The following SMG1 variants were observed in gnomAD, a reference collection of about 807,000 sequenced individuals.
SMG1 encodes SMG1 nonsense mediated mRNA decay associated PI3K related kinase.
In SMG1, 22 loss-of-function variants were observed where a neutral mutation model predicts 419.9. That is an observed-to-expected ratio of 0.05 (90% CI 0.04 to 0.07). SMG1 has a LOEUF of 0.07. SMG1 is among the 10% of genes least tolerant of loss of function. The pLI is 1.00. For synonymous variants in SMG1, 1,538 were observed against 1,553.5 expected, an observed-to-expected ratio of 0.99 and a Z score of 0.23; for missense variants, 3,185 against 4,342.0, an observed-to-expected ratio of 0.73 and a Z score of 7.49.
rs71141072 is a variant in SMG1 at position 18,844,008 on chromosome 16, T to TACACACAC, written c.6219+1413_6219+1420dup. 6.6e-3 allele frequency among the ~76,000 whole-genome samples: 994 copies of TACACACAC among 150,828 alleles called. 13 individuals carry two copies. Among genetic ancestry groups the TACACACAC allele is most frequent in the African/African-American group, 0.023 (956 of 41,114 alleles). ...TCATTTTAAAAATTTTCTATGATTA[T>TACACACAC]ACACACACACACACACACGTGCGCA... On this transcript the variant is annotated intron_variant, in intron 39 of 62. Transcript: ENST00000446231.
At position 18,815,486 on chromosome 16, in the gene SMG1, G is replaced by C. The variant is rs1272988700; in HGVS notation, c.10468C>G (p.Gln3490Glu). The part of the protein sequence containing the change: ...VRSQEHVEML[Q>E]EITPTLKELK... ...TCTTTCAAGGTGGGAGTGATTTCCT[G>C]GAGCATTTCAACGTGTTCTTGACTT... The change falls in exon 59 of 63, where the codon CAG (glutamine) becomes GAG (glutamate). Residue 3490 changes from glutamine to glutamate, a missense_variant. Around this residue, in one of 27 missense-constraint regions of SMG1, gnomAD observed 737 missense variants for 846.6 expected, o/e 0.87. Transcript: ENST00000446231. 1 of 1,613,826 alleles carries C rather than the reference G, an allele frequency of 6.2e-7. No individual in the cohort carries two copies. The highest frequency in any genetic ancestry group is 2.2e-5 in the East Asian group (1 of 44,878).
intron 1 of SMG1, chr16:18,925,092 T>C (rs2038339920): frequency 6.6e-6 from 1 of 152,184 alleles, no homozygotes; most frequent in Non-Finnish European, 1.5e-5. Context: ...ATACAAGCAT[T>C]TATTAAGAGA....
rs1294749445 is a variant in SMG1, at chr16:18,925,378, G to A, written c.92+572C>T. 4 of 152,248 alleles carry A rather than the reference G, an allele frequency of 2.6e-5. 1 individual carries two copies. The highest frequency in any genetic ancestry group is 5.9e-5 in the Non-Finnish European group (4 of 68,074). 9.4% of individuals were successfully genotyped at this position (152,248 alleles called of 1,614,324 possible). A position where few individuals can be genotyped will look rare whatever the true frequency, so the allele number is the denominator to read the frequency against. On this transcript the variant is annotated intron_variant, in intron 1 of 62. Transcript: ENST00000446231. Reference sequence around the variant, plus strand: ...AAAACTTCCATCGCCCAAGACCAGCGTGGGTCGATCCCATCAACAGTCACA... The same window carrying A: ...AAAACTTCCATCGCCCAAGACCAGCATGGGTCGATCCCATCAACAGTCACA...
At chr16:18,851,999 A>G in intron 33 of SMG1, 68 bp downstream of exon 33, 1 of 1,485,256 alleles carries the variant, frequency 6.7e-7, no homozygotes, top group South Asian at 1.4e-5. Flanking sequence ...TCAAATATAT[A>G]TGATCAATTT....
intron 3 of SMG1, among the ~76,000 whole-genome samples, chr16:18,894,498 C>T (rs1197547908): frequency 6.6e-6 from 1 of 152,048 alleles, no homozygotes; most frequent in Non-Finnish European, 1.5e-5. Flanking sequence ...CGCTGTTTAG[C>T]TTCTATAATA....
In SMG1 at chr16:18,844,570, T is replaced by A. The variant is rs1042485857; in HGVS notation, c.6219+859A>T. On this transcript the variant is annotated intron_variant, in intron 39 of 62. Coordinates refer to ENST00000446231, the MANE Select transcript of SMG1 (RefSeq NM_015092.5). ...ACACATAATAAACTTCATCCTTCTC[T>A]CACACACACACACGGAAACTCGAGT... Among the ~76,000 whole-genome samples, 9 of 88,544 alleles carry A rather than the reference T, an allele frequency of 1.0e-4. 1 individual carries two copies. Among genetic ancestry groups the A allele is most frequent in the African/African-American group, 3.4e-4 (6 of 17,460 alleles). The allele number at this position is 88,544 out of a possible 152,430, so 58.1% of individuals were successfully genotyped here.
intron 51 of SMG1, among the ~76,000 whole-genome samples, chr16:18,831,813 G>A (rs1331625923): frequency 6.9e-6 from 1 of 145,168 alleles, no homozygotes; most frequent in African/African-American, 2.5e-5. Context: ...ACATATTTAT[G>A]AATATATATG....
At chr16:18,858,408 A>C (rs1321730956) in intron 28 of SMG1, 118 bp from the exon 29 acceptor site, 1 of 813,476 alleles carries the variant, frequency 1.2e-6, no homozygotes, top group Non-Finnish European at 1.8e-6. Context: ...GATTGATTGC[A>C]GTAGTTTTAT....
intron 39 of SMG1, among the ~76,000 whole-genome samples, chr16:18,844,462 C>T (rs1423657428): frequency 4.1e-5 from 1 of 24,600 alleles, no homozygotes; most frequent in African/African-American, 1.5e-4. Flanking sequence ...ACACCCCCCC[C>T]CCCCGCCCAC....
At chr16:18,891,769 GA>G (rs1226111500) in intron 4 of SMG1, among the ~76,000 whole-genome samples, 3 of 152,140 alleles carry the variant, frequency 2.0e-5, no homozygotes, top group African/African-American at 7.2e-5. Flanking sequence ...AGAAAGTGAA[GA>G]AAAAAATTTA....
chr16:18,834,943 CCTT>C lies in SMG1; in HGVS notation c.8276_8278del (p.Glu2759del), dbSNP rs747994041. On this transcript the variant is annotated inframe_deletion, in exon 49 of 63. Coordinates refer to ENST00000446231, the MANE Select transcript of SMG1 (RefSeq NM_015092.5). Reference sequence around the variant, plus strand: ...AATAACACTTGCTAGACTCAAAGATCCTTCTTCTCCATTCTCATGAAGGAAAAC... The same window carrying C: ...AATAACACTTGCTAGACTCAAAGATCCTTCTCCATTCTCATGAAGGAAAAC... 10 of 1,613,998 alleles carry C rather than the reference CCTT, an allele frequency of 6.2e-6. No individual in the cohort carries two copies. The highest frequency in any genetic ancestry group is 1.1e-5 in the South Asian group (1 of 91,074).
intron 5 of SMG1, 116 bp from the exon 6 acceptor site, chr16:18,889,701 C>G (rs1336055100): frequency 1.2e-5 from 7 of 608,582 alleles, no homozygotes; most frequent in African/African-American, 1.8e-5. Flanking sequence ...AATTTCTATT[C>G]AAACTACATA....
In SMG1 at chr16:18,830,027, T is replaced by C. The variant is rs1165903915; in HGVS notation, c.9032A>G (p.Asp3011Gly). ...CTCTTCTAGCACCTGCCGGTGATTA[T>C]CATCATCAAAAAAATTAACTTGAGT... Reference protein sequence around the residue: ...RSTQVNFFDDDNHRQVLEEIF... With the variant: ...RSTQVNFFDDGNHRQVLEEIF... Residue 3011 changes from aspartate (D) to glycine (G), a missense_variant, in exon 53 of 63, where the codon GAT becomes GGT. Coordinates refer to ENST00000446231, the MANE Select transcript of SMG1 (RefSeq NM_015092.5). 1 of 1,597,990 alleles carries C rather than the reference T, an allele frequency of 6.3e-7. No homozygotes were observed. The highest frequency in any genetic ancestry group is 8.5e-7 in the Non-Finnish European group (1 of 1,171,246).
intron 1 of SMG1, among the ~76,000 whole-genome samples, chr16:18,911,910 G>A (rs1426694257): frequency 4.0e-5 from 6 of 151,804 alleles, no homozygotes; most frequent in Admixed American, 1.3e-4. Flanking sequence ...GGTGAAACCC[G>A]TCTCTACTAA....
chr16:18,816,709 T>C (rs1386361259), intron 57 of SMG1, among the ~76,000 whole-genome samples, 180 bp from the exon 58 acceptor site: 1 of 152,240 alleles, frequency 6.6e-6, no homozygotes, highest in Non-Finnish European at 1.5e-5. Context: ...CTATGAAATA[T>C]AGATGAAGAT....
chr16:18,834,122 A>G, intron 50 of SMG1, 82 bp downstream of exon 50: 2 of 1,025,820 alleles, frequency 1.9e-6, no homozygotes, highest in Non-Finnish European at 2.9e-6. Flanking sequence ...GGGGAAGTCA[A>G]ATTGCTTTCC....
At chr16:18,819,370 C>A in intron 56 of SMG1, 132 bp downstream of exon 56, 1 of 888,908 alleles carries the variant, frequency 1.1e-6, no homozygotes, top group South Asian at 1.7e-5. Flanking sequence ...AAGGCCCATC[C>A]GTCCCTCCTC....
intron 58 of SMG1, chr16:18,815,987 T>C (rs1018816033): frequency 1.1e-5 from 5 of 457,712 alleles, no homozygotes; most frequent in African/African-American, 9.8e-5. Flanking sequence ...TTTGTTGGTA[T>C]AGCTAAGAAA....
At chr16:18,820,807 A>G (rs959037853) in intron 55 of SMG1, among the ~76,000 whole-genome samples, 2 of 152,220 alleles carry the variant, frequency 1.3e-5, no homozygotes, top group South Asian at 4.1e-4. Flanking sequence ...TCACAGAATT[A>G]TACTTGATTT....
Sources: allele counts gnomAD v4.1 joint callset (sites outside exome capture counted in the v4.1 genomes callset), GRCh38; gene constraint gnomAD v4.1.1; regional missense constraint gnomAD v4.1.1; transcripts MANE v1.5; gene names NCBI Gene and HGNC (gene_info 2026-07-23, HGNC 2026-07-21).